Variants in SPEG observed in about 807,000 individuals in gnomAD.
SPEG encodes the protein striated muscle enriched protein kinase.
Under a neutral mutation model 300.4 loss-of-function variants are expected in SPEG, and 114 were observed. That is an observed-to-expected ratio of 0.38 (90% CI 0.33 to 0.44). The LOEUF (loss-of-function observed/expected upper bound fraction) is 0.44, where lower values mean the gene tolerates loss of function less well. Ranked by LOEUF, SPEG falls within the 20% of genes least tolerant of loss-of-function variation. SPEG has a pLI of 1.00. For missense variants in SPEG, 4,201 were observed against 4,586.2 expected (o/e 0.92, Z 2.43); for synonymous variants, 1,964 against 2,018.9 (o/e 0.97, Z 0.73).
At position 219,473,199 on chromosome 2, in the gene SPEG, C is replaced by A; in HGVS notation, c.4147+103C>A. The A allele has an allele frequency of 8.6e-7, 1 of 1,161,750 alleles. No individual in the cohort carries two copies. Among genetic ancestry groups the A allele is most frequent in the Non-Finnish European group, 1.2e-6 (1 of 819,016 alleles). 72.0% of individuals were successfully genotyped at this position (1,161,750 alleles called of 1,614,324 possible). A position where few individuals can be genotyped will look rare whatever the true frequency, so the allele number is the denominator to read the frequency against. ...GGGATGGCCTGGACATGGTAACTGG[C>A]AGGAGCAGCCTAGCCGGGCGGGACC... On this transcript the variant is annotated intron_variant, in intron 16 of 40. Transcript: ENST00000312358. The surrounding 1 kb of genome is among the most constrained non-coding windows in gnomAD (Gnocchi z 4.6).
Position 219,477,205 on chromosome 2 carries a change from A to G in SPEG, c.4561-72A>G, listed in dbSNP as rs1692425061. 4.7e-6 allele frequency: 1 copy of G among 211,072 alleles called. No individual in the cohort carries two copies. Among genetic ancestry groups the G allele is most frequent in the Non-Finnish European group, 9.4e-6 (1 of 106,038 alleles). 13.1% of individuals were successfully genotyped at this position (211,072 alleles called of 1,614,324 possible). Reference sequence around the variant, plus strand: ...TGGTGAGAGATGCGCTGCCCAGAGTAGGAGATGAGGCCCTGGCCCCAAGGT... The same window carrying G: ...TGGTGAGAGATGCGCTGCCCAGAGTGGGAGATGAGGCCCTGGCCCCAAGGT... On this transcript the variant is annotated intron_variant, in intron 19 of 40. Coordinates refer to ENST00000312358, the MANE Select transcript of SPEG (RefSeq NM_005876.5). This position sits in a 1 kb window ranked among gnomAD's most constrained non-coding sequence, Gnocchi z 6.4.
chr2:219,467,538 G>A (rs1045657106), intron 10 of SPEG, 104 bp downstream of exon 10: 21 of 1,379,134 alleles, frequency 1.5e-5, no homozygotes, highest in African/African-American at 5.7e-5. Context: ...CTCCAACCCC[G>A]AGGGGAAGCG....
At position 219,447,508 on chromosome 2, in the gene SPEG, C is replaced by A. The variant is rs528344057; in HGVS notation, c.816-466C>A. Among the ~76,000 whole-genome samples, 7 of 152,188 alleles carry A rather than the reference C, an allele frequency of 4.6e-5. 1 individual carries two copies. The South Asian group carries it at 1.5e-3, about 32-fold the overall frequency. The stretch of plus-strand genomic sequence containing the variant: ...CCAGGGACCACTAGGAAGGGGTGTG[C>A]CCTGCTGATGATGGGCAGGGGTGTG... On this transcript the variant is annotated intron_variant, in intron 3 of 40. Coordinates refer to ENST00000312358, the MANE Select transcript of SPEG (RefSeq NM_005876.5).
At position 219,483,604 on chromosome 2, in the gene SPEG, C is replaced by A; in HGVS notation, c.6141C>A (p.Ser2047Arg). ...SVELPQRRSP[S>R]PGATRLARGG... Reference sequence around the variant, plus strand: ...AGCTGCCGCAGCGCCGGAGCCCCAGCCCGGGAGCCACCCGCCTGGCCCGGG... The same window carrying A: ...AGCTGCCGCAGCGCCGGAGCCCCAGACCGGGAGCCACCCGCCTGGCCCGGG... Residue 2047 changes from serine (S) to arginine (R), a missense_variant, in exon 30 of 41, where the codon AGC becomes AGA. This residue lies in a region of SPEG where 1,578 missense variants were observed against 1,506.0 expected (regional missense o/e 1.05). Transcript: ENST00000312358. 1 of 1,500,506 alleles carries A rather than the reference C, an allele frequency of 6.7e-7. No homozygotes were observed. The highest frequency in any genetic ancestry group is 8.8e-7 in the Non-Finnish European group (1 of 1,133,618). The allele number at this position is 1,500,506 out of a possible 1,614,324, so 92.9% of individuals were successfully genotyped here. A position where few individuals can be genotyped will look rare whatever the true frequency, so the allele number is the denominator to read the frequency against.
rs1559432354 is a variant in SPEG at position 219,489,400 on chromosome 2, C to G, written c.8382C>G (p.Ala2794=). 1.2e-6 allele frequency: 2 copies of G among 1,613,420 alleles called. No individual in the cohort carries two copies. Among genetic ancestry groups the G allele is most frequent in the African/African-American group, 2.7e-5 (2 of 74,834 alleles). ...EAPVTSRPAR[A]RPPDSPTSLA... ...CTGTCACCTCAAGGCCAGCCAGGGCCCGGCCTCCTGACTCTCCTACCTCAC... is the reference window on the plus strand; with the variant it reads ...CTGTCACCTCAAGGCCAGCCAGGGCGCGGCCTCCTGACTCTCCTACCTCAC... Residue 2794 remains alanine, a synonymous_variant, in exon 36 of 41, where the codon GCC becomes GCG. Transcript: ENST00000312358.
In SPEG at chr2:219,465,920, TGTGCGCGC is replaced by T. The variant is rs765343121; in HGVS notation, c.2882-1250_2882-1243del. 0.44 allele frequency: 313,761 copies of T among 713,462 alleles called. 68,985 individuals are homozygous for T. Among genetic ancestry groups the T allele is most frequent in the South Asian group, 0.48 (28,456 of 58,990 alleles). The allele number at this position is 713,462 out of a possible 1,614,324, so 44.2% of individuals were successfully genotyped here. A position where few individuals can be genotyped will look rare whatever the true frequency, so the allele number is the denominator to read the frequency against. ...GTATGGGTGTGTGCATGCGTGTGTG[TGTGCGCGC>T]GTGTGCGTGCACGTGTGCGTGCATG... On this transcript the variant is annotated intron_variant, in intron 9 of 40. Transcript: ENST00000312358.
Position 219,445,041 on chromosome 2 carries a change from G to A in SPEG, c.695G>A (p.Arg232Gln), listed in dbSNP as rs376613097. Residue 232 changes from arginine to glutamine, a missense_variant, in exon 3 of 41, where the codon CGG (arginine) becomes CAG (glutamine). This residue lies in a region of SPEG where 1,258 missense variants were observed against 1,293.9 expected (regional missense o/e 0.97). Transcript: ENST00000312358. This position sits in a 1 kb window ranked among gnomAD's most constrained non-coding sequence, Gnocchi z 6.1. ...CACCTGGGGGTGGAGCCGCTGGTGC[G>A]GGCATCTCGAGCTAATCTGGTGGGC... is the stretch of plus-strand genomic sequence containing the variant. ...PRHLGVEPLVRASRANLVGAS... is the reference protein window; with the variant it reads ...PRHLGVEPLVQASRANLVGAS... The A allele has an allele frequency of 4.4e-6, 7 of 1,607,622 alleles. No individual in the cohort carries two copies. The highest frequency in any genetic ancestry group is 2.2e-5 in the East Asian group (1 of 44,518).
rs1055430787 is a variant in SPEG, at chr2:219,472,473, C to T, written c.3940+142C>T. The T allele has an allele frequency of 4.2e-6, 3 of 717,860 alleles. No homozygotes were observed. In the African/African-American group the frequency reaches 5.3e-5, roughly 13 times the overall value. 44.5% of individuals were successfully genotyped at this position (717,860 alleles called of 1,614,324 possible). On this transcript the variant is annotated intron_variant, in intron 15 of 40. Transcript: ENST00000312358. The stretch of plus-strand genomic sequence containing the variant: ...GAATGCTGGTGGGACCAGCTTTGCC[C>T]GTCTTCTCTCCACGTTGCATGGGGC...
intron 1 of SPEG, chr2:219,442,075 C>T: frequency 8.4e-7 from 1 of 1,193,948 alleles, no homozygotes; most frequent in Non-Finnish European, 1.0e-6. Context: ...GGTGAAGAAG[C>T]GTTTCCAGGT....
Position 219,462,368 on chromosome 2 carries a change from C to A in SPEG, c.2687C>A (p.Pro896His). Reference sequence around the variant, plus strand: ...ATGAGCATCCGCGTGCAGGGGGAGCCCAAGCCTGTGGTCTCCTGGTGAGTA... The same window carrying A: ...ATGAGCATCCGCGTGCAGGGGGAGCACAAGCCTGTGGTCTCCTGGTGAGTA... ...VIMSIRVQGE[P>H]KPVVSWLRNR... Residue 896 changes from proline (P) to histidine (H), a missense_variant, in exon 8 of 41, where the codon CCC becomes CAC. By Grantham distance (77) the Pro-to-His change is moderately conservative (BLOSUM62 -2). Coordinates refer to ENST00000312358, the MANE Select transcript of SPEG (RefSeq NM_005876.5). 1 of 1,561,984 alleles carries A rather than the reference C, an allele frequency of 6.4e-7. No homozygotes were observed. The highest frequency in any genetic ancestry group is 8.7e-7 in the Non-Finnish European group (1 of 1,152,454).
chr2:219,441,998 GC>G (rs1380156018), intron 1 of SPEG: 3 of 411,078 alleles, frequency 7.3e-6, no homozygotes, highest in South Asian at 2.2e-4. Context: ...ACTCCGCCCC[GC>G]CCCCGCCCGT....
chr2:219,467,629 G>A (rs1054040088), intron 10 of SPEG, among the ~76,000 whole-genome samples, 195 bp downstream of exon 10: 4 of 152,248 alleles, frequency 2.6e-5, no homozygotes, highest in Admixed American at 6.5e-5. Context: ...AGGAAAGGCC[G>A]CAACAGGGTT....
rs779443969 is a variant in SPEG at position 219,462,001 on chromosome 2, C to G, written c.2560C>G (p.Pro854Ala). The G allele has an allele frequency of 6.2e-7, 1 of 1,613,282 alleles. No homozygotes were observed. Among genetic ancestry groups the G allele is most frequent in the Non-Finnish European group, 8.5e-7 (1 of 1,179,664 alleles). The stretch of plus-strand genomic sequence containing the variant: ...GCGAACCCCCACCATGAAGCCCAGT[C>G]CCAGCCAGAACCGCCGTTCTTCTGA... ...WPRTPTMKPSPSQNRRSSDTG... is the reference protein window; with the variant it reads ...WPRTPTMKPSASQNRRSSDTG... Residue 854 changes from proline (P) to alanine (A), a missense_variant, in exon 7 of 41, where the codon CCC becomes GCC. Transcript: ENST00000312358.
chr2:219,461,864 ATC>A lies in SPEG; in HGVS notation c.2441-14_2441-13del. ...CTGCTCGCCTTCCTCCCTGGTAGCTATCTCTGTCTCTCTCCAGGTGGGTCTAC... is the reference window on the plus strand; with the variant it reads ...CTGCTCGCCTTCCTCCCTGGTAGCTATCTGTCTCTCTCCAGGTGGGTCTAC... On this transcript the variant is annotated splice_polypyrimidine_tract_variant and intron_variant, in intron 6 of 40. Coordinates refer to ENST00000312358, the MANE Select transcript of SPEG (RefSeq NM_005876.5). 1.2e-6 allele frequency: 2 copies of A among 1,610,482 alleles called. No homozygotes were observed. The highest frequency in any genetic ancestry group is 1.7e-6 in the Non-Finnish European group (2 of 1,177,876).
intron 6 of SPEG, among the ~76,000 whole-genome samples, chr2:219,453,657 A>G (rs1010343712): frequency 2.6e-5 from 4 of 152,212 alleles, no homozygotes; most frequent in African/African-American, 4.8e-5. Flanking sequence ...CCTTCATTGC[A>G]TTAGTCTGTT....
At chr2:219,436,069 C>T (rs891143380) in intron 1 of SPEG, among the ~76,000 whole-genome samples, 19 of 152,166 alleles carry the variant, frequency 1.2e-4, no homozygotes, top group African/African-American at 4.6e-4. Context: ...GAGGTATGGG[C>T]ACGTGGAGCT....
At chr2:219,488,173 C>T in intron 31 of SPEG, 21 bp from the exon 32 acceptor site, 1 of 1,558,716 alleles carries the variant, frequency 6.4e-7, no homozygotes, top group Non-Finnish European at 8.8e-7. Context: ...AGATAGATGG[C>T]TGTCTCTGCT....
rs567855380 is a variant in SPEG, at chr2:219,484,224, T to C, written c.6761T>C (p.Leu2254Pro). The C allele has an allele frequency of 6.2e-7, 1 of 1,611,582 alleles. No individual in the cohort carries two copies. The highest frequency in any genetic ancestry group is 1.3e-5 in the African/African-American group (1 of 74,622). The change falls in exon 30 of 41, where the codon CTG (leucine) becomes CCG (proline). Residue 2254 changes from leucine to proline, a missense_variant. Coordinates refer to ENST00000312358, the MANE Select transcript of SPEG (RefSeq NM_005876.5). ...GCTCAGATCATTCAGTCCCTCCAGC[T>C]GTCAGGCCACGCCCAGGGCCCCTCG... Reference protein sequence around the residue: ...PYAQIIQSLQLSGHAQGPSQG... With the variant: ...PYAQIIQSLQPSGHAQGPSQG...
chr2:219,466,188 C>A, intron 9 of SPEG: 1 of 1,484,176 alleles, frequency 6.7e-7, no homozygotes, highest in Non-Finnish European at 8.9e-7. Context: ...CGGCCCGGAC[C>A]CGTCCCAGCC....
Sources: allele counts gnomAD v4.1 joint callset (sites outside exome capture counted in the v4.1 genomes callset), GRCh38; gene constraint gnomAD v4.1.1; regional missense constraint gnomAD v4.1.1; non-coding constraint Gnocchi (gnomAD v3.1); transcripts MANE v1.5; gene names NCBI Gene and HGNC (gene_info 2026-07-23, HGNC 2026-07-21).